The following ALPK2 variants were observed in gnomAD, a reference collection of about 807,000 sequenced individuals.
ALPK2 encodes the protein alpha-protein kinase 2.
ALPK2 carries 127 observed loss-of-function variants against 163.1 expected under a neutral mutation model. The ratio of observed to expected loss-of-function variants is 0.78; its 90% confidence interval spans 0.67 to 0.90. The LOEUF is 0.90. ALPK2 is among the 40% of genes least tolerant of loss of function. The pLI is 0.00. For synonymous variants in ALPK2, 953 were observed against 959.1 expected (o/e 0.99, Z 0.12); for missense variants, 2,360 against 2,589.6 (o/e 0.91, Z 1.92).
In ALPK2 at chr18:58,607,415, C is replaced by A; in HGVS notation, c.134G>T (p.Trp45Leu). 6.2e-7 allele frequency: 1 copy of A among 1,611,512 alleles called. No individual in the cohort carries two copies. Among genetic ancestry groups the A allele is most frequent in the Non-Finnish European group, 8.5e-7 (1 of 1,178,878 alleles). ...ATCGATGGCCTGACCATTCTTATAC[C>A]AAGTTACCTCTGGCTTGGGCTGACC... ...ISGQPKPEVT[W>L]YKNGQAIDGS... Residue 45 changes from tryptophan (W) to leucine (L), a missense_variant, in exon 3 of 13, where the codon TGG becomes TTG. Coordinates refer to ENST00000361673, the MANE Select transcript of ALPK2 (RefSeq NM_052947.4).
At chr18:58,608,233 C>T (rs933628270) in intron 2 of ALPK2, among the ~76,000 whole-genome samples, 1 of 152,186 alleles carries the variant, frequency 6.6e-6, no homozygotes, top group African/African-American at 2.4e-5. Context: ...CACTTTCTTC[C>T]TGAGGATGAA....
At chr18:58,507,672 C>A (rs1316609183) in intron 10 of ALPK2, among the ~76,000 whole-genome samples, 1 of 152,178 alleles carries the variant, frequency 6.6e-6, no homozygotes, top group Non-Finnish European at 1.5e-5. Context: ...CAGGAAACCA[C>A]CTTTGCAAAG....
chr18:58,514,788 A>G (rs1406770612), intron 10 of ALPK2, among the ~76,000 whole-genome samples: 1 of 145,156 alleles, frequency 6.9e-6, no homozygotes, highest in Non-Finnish European at 1.5e-5. Flanking sequence ...TATCTTCTTA[A>G]ATATTAAATA....
intron 6 of ALPK2, among the ~76,000 whole-genome samples, chr18:58,525,191 C>T (rs2051578105): frequency 6.6e-6 from 1 of 152,184 alleles, no homozygotes; most frequent in Non-Finnish European, 1.5e-5. Context: ...GACTTCAAGC[C>T]TCCAATATAT....
intron 12 of ALPK2, 114 bp downstream of exon 12, chr18:58,497,935 A>T (rs1377670090): frequency 9.0e-6 from 8 of 891,562 alleles, no homozygotes; most frequent in Non-Finnish European, 1.3e-5. Flanking sequence ...AACATTCGTC[A>T]TCCACAGTTA....
intron 4 of ALPK2, among the ~76,000 whole-genome samples, chr18:58,564,715 C>A (rs1189495563): frequency 6.6e-6 from 1 of 152,020 alleles, no homozygotes; most frequent in Non-Finnish European, 1.5e-5. Context: ...ATGTTTGACC[C>A]CTTCAGTTTA....
intron 3 of ALPK2, among the ~76,000 whole-genome samples, chr18:58,594,449 T>G (rs2052031410): frequency 6.6e-6 from 1 of 152,154 alleles, no homozygotes; most frequent in African/African-American, 2.4e-5. Context: ...AGGAGCATTG[T>G]GACAATATAC....
At chr18:58,606,048 T>TA (rs2052096333) in intron 3 of ALPK2, among the ~76,000 whole-genome samples, 1 of 152,244 alleles carries the variant, frequency 6.6e-6, no homozygotes, top group Non-Finnish European at 1.5e-5. Context: ...TCAACCTTGG[T>TA]AAAATGATGT....
chr18:58,538,377 T>A, intron 4 of ALPK2, 153 bp from the exon 5 acceptor site: 2 of 722,874 alleles, frequency 2.8e-6, no homozygotes, highest in Non-Finnish European at 4.2e-6. Context: ...TCCCTCTAGC[T>A]ATTAGAGATT....
At chr18:58,582,948 A>G (rs1414600008) in intron 3 of ALPK2, among the ~76,000 whole-genome samples, 1 of 152,132 alleles carries the variant, frequency 6.6e-6, no homozygotes, top group Non-Finnish European at 1.5e-5. Context: ...AGGTTCTTGT[A>G]TGTAGAGGCA....
At chr18:58,490,885 G>A (rs1342694699) in intron 12 of ALPK2, among the ~76,000 whole-genome samples, 3 of 152,142 alleles carry the variant, frequency 2.0e-5, no homozygotes, top group African/African-American at 7.2e-5. Flanking sequence ...ATCTACTATG[G>A]GTCCGTTTTT....
At chr18:58,589,861 G>A (rs1323586405) in intron 3 of ALPK2, among the ~76,000 whole-genome samples, 2 of 152,134 alleles carry the variant, frequency 1.3e-5, no homozygotes, top group African/African-American at 4.8e-5. Flanking sequence ...ACTGCAACTC[G>A]ACCAGGTGCC....
rs144343978 is a variant in ALPK2 at position 58,481,628 on chromosome 18, C to A, written c.*195G>T. 609 of 599,710 alleles carry A rather than the reference C, an allele frequency of 1.0e-3. 3 individuals carry two copies. The highest frequency in any genetic ancestry group is 6.2e-3 in the Admixed American group (205 of 33,288). 37.1% of individuals were successfully genotyped at this position (599,710 alleles called of 1,614,324 possible). ...GATTCAATCTCCCCATAAACCTGGT[C>A]GCAAATCCTGTTCTGAAATCATTTG... On this transcript the variant is annotated 3_prime_UTR_variant, in exon 13 of 13. Transcript: ENST00000361673.
chr18:58,540,160 G>A (rs1047698509), intron 4 of ALPK2, among the ~76,000 whole-genome samples: 1 of 152,210 alleles, frequency 6.6e-6, no homozygotes, highest in African/African-American at 2.4e-5. Flanking sequence ...CGATTAGCAT[G>A]CGGTAGATGC....
At chr18:58,550,461 TCCCCATCTCCATCATATATGACTCTAC>T in intron 4 of ALPK2, among the ~76,000 whole-genome samples, 1 of 139,552 alleles carries the variant, frequency 7.2e-6, no homozygotes, top group East Asian at 2.4e-4. Context: ...TACAACCCCA[TCCCCATCTCCATCATATATGACTCTAC>T]CCCCATCTAT....
rs76820252 is a variant in ALPK2, at chr18:58,482,796, G to A, written c.6297-757C>T. ...GCCATGTTTTCATGTCCCAATTATG[G>A]TAGGTTAGTGTGCTCCTTGAATGGA... On this transcript the variant is annotated intron_variant, in intron 12 of 12. Transcript: ENST00000361673. Among the ~76,000 whole-genome samples, 264 of 152,292 alleles carry A rather than the reference G, an allele frequency of 1.7e-3. 3 individuals carry two copies. The highest frequency in any genetic ancestry group is 6.1e-3 in the African/African-American group (252 of 41,560).
rs536111393 is a variant in ALPK2, at chr18:58,617,290, G to A, written c.-20-5473C>T. On this transcript the variant is annotated intron_variant, in intron 1 of 12. Coordinates refer to ENST00000361673, the MANE Select transcript of ALPK2 (RefSeq NM_052947.4). ...CATCCTCCACCTCCCGGGTTCAAGC[G>A]ATTCTCCTGCCTCAGCCTCCTGAGT... Among the ~76,000 whole-genome samples the A allele has an allele frequency of 4.0e-4, 61 of 152,232 alleles. 1 individual carries two copies. The highest frequency in any genetic ancestry group is 9.6e-4 in the African/African-American group (40 of 41,534).
In ALPK2 at chr18:58,526,516, G is replaced by T. The variant is rs117415387; in HGVS notation, c.5502-2454C>A. Among the ~76,000 whole-genome samples, 436 of 152,264 alleles carry T rather than the reference G, an allele frequency of 2.9e-3. 4 individuals are homozygous for T. Among genetic ancestry groups the T allele is most frequent in the South Asian group, 0.023 (111 of 4,820 alleles). ...ACCTTGCTCAGCTATCAGTAGGGCC[G>T]CTCTACGTGGACAGCTGCCCTTTCA... On this transcript the variant is annotated intron_variant, in intron 6 of 12. Transcript: ENST00000361673.
chr18:58,497,693 A>C (rs2051408081), intron 12 of ALPK2, among the ~76,000 whole-genome samples: 1 of 152,234 alleles, frequency 6.6e-6, no homozygotes, highest in Non-Finnish European at 1.5e-5. Context: ...TTTTTTTCAA[A>C]GAAGCTTTTA....
Sources: allele counts gnomAD v4.1 joint callset (sites outside exome capture counted in the v4.1 genomes callset), GRCh38; gene constraint gnomAD v4.1.1; transcripts MANE v1.5; gene names NCBI Gene and HGNC (gene_info 2026-07-23, HGNC 2026-07-21).